CTNNA2: variants seen among roughly 807,000 people sequenced by gnomAD.
CTNNA2 encodes catenin alpha 2, also known as catenin alpha-2.
Under a neutral mutation model 101.0 loss-of-function variants are expected in CTNNA2, and 42 were observed. The observed-to-expected ratio is 0.42, with a 90% CI of 0.32 to 0.54. The LOEUF is 0.54. CTNNA2 is among the 20% of genes least tolerant of loss of function. CTNNA2 has a pLI of 0.14. For synonymous variants in CTNNA2, 450 were observed against 456.4 expected (o/e 0.99, Z 0.18); for missense variants, 871 against 1,223.1 (o/e 0.71, Z 4.29).
intron 3 of CTNNA2, among the ~76,000 whole-genome samples, chr2:79,781,669 G>A (rs1256177407): frequency 6.6e-6 from 1 of 152,114 alleles, no homozygotes; most frequent in Non-Finnish European, 1.5e-5. Flanking sequence ...TGAACTGGAA[G>A]TAAACAAATA....
intron 3 of CTNNA2, among the ~76,000 whole-genome samples, chr2:79,316,792 ATAGTTCTCT>A (rs1214266674): frequency 6.6e-6 from 1 of 151,786 alleles, no homozygotes; most frequent in African/African-American, 2.4e-5. Context: ...ATTATCCCTA[ATAGTTCTCT>A]TGTGAATTTC....
In CTNNA2 at chr2:79,290,972, C is replaced by A. The variant is rs139104230; in HGVS notation, c.-405-21737C>A. ...AAGAGCACCCTGTAATACACGCCCA[C>A]TGGGGCTTCAGAGGCTGTAAACATT... On this transcript the variant is annotated intron_variant, in intron 2 of 21. Transcript: ENST00000466387. 3.1e-3 allele frequency among the ~76,000 whole-genome samples: 473 copies of A among 152,270 alleles called. 2 individuals carry two copies. Among genetic ancestry groups the A allele is most frequent in the African/African-American group, 0.011 (454 of 41,540 alleles).
rs540590349 is a variant in CTNNA2 at position 80,303,932 on chromosome 2, C to CA, written c.1057-89273dup. 3.6e-4 allele frequency: 456 copies of CA among 1,249,888 alleles called. 11 individuals are homozygous for CA. In the South Asian group the frequency reaches 8.7e-3, roughly 24 times the overall value. 77.4% of individuals were successfully genotyped at this position (1,249,888 alleles called of 1,614,324 possible). Reference sequence around the variant, plus strand: ...GAAGCGGGGGAGGGGGAGAAAAGGGCAAAAAATCAAATAAATACATAGAAA... The same window carrying CA: ...GAAGCGGGGGAGGGGGAGAAAAGGGCAAAAAAATCAAATAAATACATAGAAA... On this transcript the variant is annotated intron_variant, in intron 7 of 18. Coordinates refer to ENST00000402739, the MANE Select transcript of CTNNA2 (RefSeq NM_001282597.3). This position sits in a 1 kb window ranked among gnomAD's most constrained non-coding sequence, Gnocchi z 7.7.
At position 80,606,529 on chromosome 2, in the gene CTNNA2, A is replaced by G. The variant is rs568002879; in HGVS notation, c.2296-1655A>G. 3.0e-4 allele frequency among the ~76,000 whole-genome samples: 46 copies of G among 151,870 alleles called. 1 individual carries two copies. In the South Asian group the frequency reaches 7.9e-3, roughly 26 times the overall value. On this transcript the variant is annotated intron_variant, in intron 16 of 18. Coordinates refer to ENST00000402739, the MANE Select transcript of CTNNA2 (RefSeq NM_001282597.3). ...ACCTAATCCTCTTTGTGGCATTATT[A>G]TTGTCATTAGCTGTGAAATAACTTG...
intron 3 of CTNNA2, among the ~76,000 whole-genome samples, chr2:79,750,679 A>G (rs867781748): frequency 1.5e-4 from 23 of 152,102 alleles, no homozygotes; most frequent in African/African-American, 4.6e-4. Context: ...TGGCTAACAC[A>G]GTGAAAGAGA....
intron 7 of CTNNA2, among the ~76,000 whole-genome samples, chr2:80,368,823 A>G (rs1165135845): frequency 2.7e-5 from 4 of 146,994 alleles, no homozygotes; most frequent in Admixed American, 2.0e-4. Flanking sequence ...CAGTATGTGT[A>G]TATATATATG....
intron 9 of CTNNA2, among the ~76,000 whole-genome samples, chr2:80,469,538 T>C (rs1372651345): frequency 1.3e-5 from 2 of 152,220 alleles, no homozygotes; most frequent in African/African-American, 2.4e-5. Flanking sequence ...CACTAGTAGC[T>C]AGTAGACATT....
At chr2:79,699,671 G>A (rs1359484759) in intron 2 of CTNNA2, among the ~76,000 whole-genome samples, 1 of 150,698 alleles carries the variant, frequency 6.6e-6, no homozygotes, top group East Asian at 1.9e-4. Flanking sequence ...ACAGTACCTT[G>A]GACCTTTTTG....
Position 79,745,386 on chromosome 2 carries a change from G to A in CTNNA2, c.298+804G>A, listed in dbSNP as rs574496435. 1.2e-4 allele frequency among the ~76,000 whole-genome samples: 18 copies of A among 151,870 alleles called. No homozygotes were observed. The South Asian group carries it at 2.9e-3, about 25-fold the overall frequency. The stretch of plus-strand genomic sequence containing the variant: ...GCGGAGGTTGCAGTGAGCCAAGATC[G>A]CGCCGCTGCACTCCAGCCTGGGTGA... On this transcript the variant is annotated intron_variant, in intron 3 of 18. Transcript: ENST00000402739.
At chr2:79,453,646 G>A (rs1393876459) in intron 4 of CTNNA2, among the ~76,000 whole-genome samples, 1 of 152,062 alleles carries the variant, frequency 6.6e-6, no homozygotes, top group Admixed American at 6.6e-5. Flanking sequence ...GTACTTTGCA[G>A]GACAAACAGT....
chr2:79,949,936 AT>A (rs1332644881), intron 7 of CTNNA2, among the ~76,000 whole-genome samples: 4 of 152,202 alleles, frequency 2.6e-5, no homozygotes, highest in African/African-American at 4.8e-5. Flanking sequence ...TGGAGGATTG[AT>A]TTTTTTCTGA....
rs186461249 is a variant in CTNNA2 at position 79,432,670 on chromosome 2, C to T, written c.-135+58657C>T. 1.5e-3 allele frequency among the ~76,000 whole-genome samples: 234 copies of T among 152,256 alleles called. 2 individuals are homozygous for T. The highest frequency in any genetic ancestry group is 3.2e-4 in the Non-Finnish European group (22 of 68,016). The stretch of plus-strand genomic sequence containing the variant: ...CATTTAAAGATCAACTACCCCTCCC[C>T]ACCACTAGATTCCCATTTTAGCTTT... On this transcript the variant is annotated intron_variant, in intron 4 of 21. Transcript: ENST00000466387.
At chr2:79,956,416 G>C (rs1005320860) in intron 7 of CTNNA2, among the ~76,000 whole-genome samples, 1 of 152,094 alleles carries the variant, frequency 6.6e-6, no homozygotes, top group African/African-American at 2.4e-5. Context: ...ACAGTATATT[G>C]AAAGCTGATG....
At chr2:79,271,882 C>T (rs1050011904) in intron 2 of CTNNA2, among the ~76,000 whole-genome samples, 3 of 151,962 alleles carry the variant, frequency 2.0e-5, no homozygotes, top group African/African-American at 7.2e-5. Flanking sequence ...TTTTTTGCTT[C>T]TCCTGATTAC....
At chr2:79,711,865 T>A (rs1685761758) in intron 2 of CTNNA2, among the ~76,000 whole-genome samples, 1 of 152,180 alleles carries the variant, frequency 6.6e-6, no homozygotes, top group African/African-American at 2.4e-5. Flanking sequence ...ACAATTAAAT[T>A]TGAATTTCAT....
At chr2:80,418,963 A>G (rs1680275782) in intron 8 of CTNNA2, among the ~76,000 whole-genome samples, 2 of 152,184 alleles carry the variant, frequency 1.3e-5, no homozygotes, top group African/African-American at 4.8e-5. Context: ...TAGATGTTTC[A>G]TGTTTCTGCT....
chr2:80,450,721 A>T (rs1032090197), intron 9 of CTNNA2, among the ~76,000 whole-genome samples: 1 of 152,192 alleles, frequency 6.6e-6, no homozygotes, highest in Non-Finnish European at 1.5e-5. Context: ...AGACAGTCTT[A>T]AAAGATTTTC....
At chr2:79,273,381 T>A (rs1675133386) in intron 2 of CTNNA2, among the ~76,000 whole-genome samples, 1 of 152,112 alleles carries the variant, frequency 6.6e-6, no homozygotes, top group South Asian at 2.1e-4. Flanking sequence ...GCATTTAGCC[T>A]GAGATAACTT....
chr2:80,075,619 TATA>T (rs1698652911), intron 7 of CTNNA2, among the ~76,000 whole-genome samples: 14 of 100,852 alleles, frequency 1.4e-4, no homozygotes, highest in African/African-American at 1.8e-4. Context: ...CATGTATAAA[TATA>T]AATATTTATA....
Sources: gnomAD v4.1 joint callset for allele counts (sites outside exome capture counted in the v4.1 genomes callset) on GRCh38, gnomAD v4.1.1 for gene constraint, Gnocchi (gnomAD v3.1) non-coding constraint, MANE v1.5 for transcripts, NCBI Gene and HGNC (gene_info 2026-07-23, HGNC 2026-07-21) for gene names.